The following MEF2B variants were observed in gnomAD, a reference collection of about 807,000 sequenced individuals.
MEF2B encodes the protein myocyte-specific enhancer factor 2B.
In MEF2B, 15 loss-of-function variants were observed where a neutral mutation model predicts 32.2. The ratio of observed to expected loss-of-function variants is 0.47; its 90% CI spans 0.31 to 0.72. MEF2B has a LOEUF of 0.72. MEF2B is among the 30% of genes least tolerant of loss of function. MEF2B has a pLI of 0.05. For synonymous variants in MEF2B, 205 were observed against 225.6 expected (o/e 0.91, Z 0.82); for missense variants, 441 against 511.5 (o/e 0.86, Z 1.33).
chr19:19,147,126 C>T lies in MEF2B; in HGVS notation c.451G>A (p.Gly151Ser). 1 of 1,604,516 alleles carries T rather than the reference C, an allele frequency of 6.2e-7. No homozygotes were observed. ...TCCCCAAGCCCACTGGGGTCACAGC[C>T]TGGTGGCGGTAAGGCCCCGTATACC... ...DVVYGALPPP[G>S]CDPSGLGEAL... Residue 151 changes from glycine to serine, a missense_variant, in exon 5 of 9, where the codon GGC (glycine) becomes AGC (serine). Gly to Ser is a moderately conservative substitution (Grantham distance 56, BLOSUM62 0). This residue lies in a region of MEF2B where 326 missense variants were observed against 328.4 expected (regional missense o/e 0.99). Transcript: ENST00000424583.
intron 3 of MEF2B, among the ~76,000 whole-genome samples, chr19:19,148,492 C>T (rs1568546390): frequency 6.6e-6 from 1 of 152,012 alleles, no homozygotes; most frequent in African/African-American, 2.4e-5. Flanking sequence ...GCTTAAGAAA[C>T]GCCAGCAGAT....
In MEF2B at chr19:19,147,144, C is replaced by G. The variant is rs1179358806; in HGVS notation, c.433G>C (p.Gly145Arg). Residue 145 changes from glycine to arginine, a missense_variant, in exon 5 of 9, where the codon GGG (glycine) becomes CGG (arginine). Around this residue, in one of 2 missense-constraint regions of MEF2B, gnomAD observed 326 missense variants for 328.4 expected, o/e 0.99. Transcript: ENST00000424583. ...PAMPSPDVVY[G>R]ALPPPGCDPS... The stretch of plus-strand genomic sequence containing the variant: ...TCACAGCCTGGTGGCGGTAAGGCCC[C>G]GTATACCACATCTGGGCTGGGCATA... 6 of 1,594,260 alleles carry G rather than the reference C, an allele frequency of 3.8e-6. No homozygotes were observed. The East Asian group carries it at 1.4e-4, about 36-fold the overall frequency.
intron 1 of MEF2B, among the ~76,000 whole-genome samples, chr19:19,159,849 T>A (rs12975566): frequency 0.3 from 45,620 of 151,902 alleles, 6,926 homozygotes; most frequent in Admixed American, 0.34. Flanking sequence ...ACCCTTCCAC[T>A]GACCCTTCCC....
intron 1 of MEF2B, among the ~76,000 whole-genome samples, chr19:19,161,679 C>G (rs2060164569): frequency 6.9e-6 from 1 of 144,626 alleles, no homozygotes; most frequent in Non-Finnish European, 1.5e-5. Context: ...ATGTGGAGAC[C>G]CCCGCCAGAC....
chr19:19,146,152 G>A, intron 8 of MEF2B, 121 bp downstream of exon 8: 2 of 924,038 alleles, frequency 2.2e-6, no homozygotes, highest in South Asian at 2.0e-5. Context: ...TCCCTCTTGG[G>A]GCCTCAAAAT....
chr19:19,147,616 C>T lies in MEF2B; in HGVS notation c.393+82G>A, dbSNP rs1465328360. ...AACTCTAGGATCCCTGGCTCTAAGC[C>T]CCTCTCTCAGTACCAGCCTCAACGA... On this transcript the variant is annotated intron_variant, in intron 4 of 8. Coordinates refer to ENST00000424583, the MANE Select transcript of MEF2B (RefSeq NM_001145785.2). The T allele has an allele frequency of 8.3e-6, 13 of 1,561,974 alleles. No homozygotes were observed. The African/African-American group carries it at 1.1e-4, about 13-fold the overall frequency.
intron 1 of MEF2B, among the ~76,000 whole-genome samples, chr19:19,154,669 C>T (rs2060108528): frequency 6.6e-6 from 1 of 152,118 alleles, no homozygotes; most frequent in South Asian, 2.1e-4. Flanking sequence ...ATCTTGAACT[C>T]CTGACCTCAA....
At chr19:19,162,353 G>A (rs1443610282) in intron 1 of MEF2B, among the ~76,000 whole-genome samples, 3 of 151,850 alleles carry the variant, frequency 2.0e-5, no homozygotes, top group Non-Finnish European at 2.9e-5. Context: ...GGCTGGTCTT[G>A]AACTTCCGGC....
intron 3 of MEF2B, 58 bp from the exon 4 acceptor site, chr19:19,147,890 A>C: frequency 3.8e-6 from 6 of 1,572,186 alleles, no homozygotes; most frequent in Non-Finnish European, 5.2e-6. Flanking sequence ...CAGGGAACCC[A>C]GTTCTATGGG....
intron 3 of MEF2B, among the ~76,000 whole-genome samples, chr19:19,148,780 C>T (rs757575491): frequency 1.3e-3 from 204 of 151,778 alleles, no homozygotes; most frequent in Non-Finnish European, 2.4e-3. Flanking sequence ...GGCTCGATCT[C>T]GGCTCACTGC....
At chr19:19,156,776 C>T (rs1480419376) in intron 1 of MEF2B, among the ~76,000 whole-genome samples, 3 of 152,102 alleles carry the variant, frequency 2.0e-5, no homozygotes, top group South Asian at 2.1e-4. Context: ...CTCAGCATCC[C>T]GAGTAGCTGG....
At chr19:19,148,214 G>A (rs1420668338) in intron 3 of MEF2B, among the ~76,000 whole-genome samples, 3 of 152,176 alleles carry the variant, frequency 2.0e-5, no homozygotes, top group South Asian at 2.1e-4. Flanking sequence ...CTACAATCCC[G>A]GCACTTTGGG....
In MEF2B at chr19:19,146,783, G is replaced by A. The variant is rs370399611; in HGVS notation, c.634C>T (p.Pro212Ser). 9 of 1,614,054 alleles carry A rather than the reference G, an allele frequency of 5.6e-6. No homozygotes were observed. Among genetic ancestry groups the A allele is most frequent in the South Asian group, 1.1e-5 (1 of 91,088 alleles). The change falls in exon 6 of 9, where the codon CCT becomes TCT. Residue 212 changes from proline to serine, a missense_variant. By Grantham distance (74) the Pro-to-Ser change is moderately conservative (BLOSUM62 -1). This residue lies in a region of MEF2B where 326 missense variants were observed against 328.4 expected (regional missense o/e 0.99). Coordinates refer to ENST00000424583, the MANE Select transcript of MEF2B (RefSeq NM_001145785.2). Reference protein sequence around the residue: ...LPTEGRRSDLPGGLAGPRGGL... With the variant: ...LPTEGRRSDLSGGLAGPRGGL... ...CCTCGGGGCCCAGCCAGGCCACCAG[G>A]CAGGTCTGACCTCCGCCCTTCCGTC...
intron 1 of MEF2B, among the ~76,000 whole-genome samples, chr19:19,161,664 G>A (rs959289328): frequency 6.6e-6 from 1 of 151,556 alleles, no homozygotes; most frequent in Non-Finnish European, 1.5e-5. Context: ...CCTTTCCCCT[G>A]AACAATGTGG....
intron 1 of MEF2B, among the ~76,000 whole-genome samples, chr19:19,155,627 C>G (rs1036860469): frequency 6.6e-6 from 1 of 152,224 alleles, no homozygotes; most frequent in Non-Finnish European, 1.5e-5. Context: ...TCCAGCCACT[C>G]AGCATTGACC....
In MEF2B at chr19:19,145,709, C is replaced by T; in HGVS notation, c.*88G>A. The T allele has an allele frequency of 6.4e-7, 1 of 1,555,318 alleles. No individual in the cohort carries two copies. Among genetic ancestry groups the T allele is most frequent in the Non-Finnish European group, 8.7e-7 (1 of 1,149,552 alleles). On this transcript the variant is annotated 3_prime_UTR_variant, in exon 9 of 9. Coordinates refer to ENST00000424583, the MANE Select transcript of MEF2B (RefSeq NM_001145785.2). This position sits in a 1 kb window ranked among gnomAD's most constrained non-coding sequence, Gnocchi z 4.6. ...GAGGGGGGCGTCACTGTTGGGTCTT[C>T]TCTGAAGAGGCCTGGAGGGAGGTGG...
At chr19:19,167,856 G>A (rs1007910142) in intron 1 of MEF2B, among the ~76,000 whole-genome samples, 9 of 152,176 alleles carry the variant, frequency 5.9e-5, no homozygotes, top group African/African-American at 2.2e-4. Flanking sequence ...TCTCTTGGGG[G>A]ACTGAGGCAT....
chr19:19,146,491 G>T, intron 7 of MEF2B, 64 bp downstream of exon 7: 1 of 1,436,086 alleles, frequency 7.0e-7, no homozygotes, highest in Non-Finnish European at 9.3e-7. Context: ...GGAGGGTGTG[G>T]AACCCCCAGA....
intron 2 of MEF2B, among the ~76,000 whole-genome samples, chr19:19,149,785 A>G (rs542584247): frequency 6.6e-6 from 1 of 151,974 alleles, no homozygotes; most frequent in African/African-American, 2.4e-5. Context: ...AATAATGATC[A>G]TGAAAATGAG....
Sources: allele counts gnomAD v4.1 joint callset (sites outside exome capture counted in the v4.1 genomes callset), GRCh38; gene constraint gnomAD v4.1.1; regional missense constraint gnomAD v4.1.1; non-coding constraint Gnocchi (gnomAD v3.1); transcripts MANE v1.5; gene names NCBI Gene and HGNC (gene_info 2026-07-23, HGNC 2026-07-21).